AQP6: variants seen among roughly 807,000 people sequenced by gnomAD.
The protein encoded by AQP6 is aquaporin-6.
In AQP6, 14 loss-of-function variants were observed where a neutral mutation model predicts 16.3. The observed-to-expected ratio is 0.86, with a 90% CI of 0.57 to 1.34. The LOEUF is 1.34. AQP6 is among the 40% of genes most tolerant of loss of function. The pLI is 0.00. For synonymous variants in AQP6, 178 were observed against 166.8 expected (o/e 1.07, Z -0.52); for missense variants, 331 against 379.7 (o/e 0.87, Z 1.07).
intron 1 of AQP6, 38 bp from the exon 2 acceptor site, chr12:49,974,286 G>A: frequency 1.3e-6 from 2 of 1,489,266 alleles, no homozygotes; most frequent in African/African-American, 2.8e-5. Context: ...TCCGTGGGCA[G>A]AGCCCGCGTC....
chr12:49,973,877 G>A lies in AQP6; in HGVS notation c.402+302G>A, dbSNP rs1010153461. 13 of 1,232,930 alleles carry A rather than the reference G, an allele frequency of 1.1e-5. No individual in the cohort carries two copies. The African/African-American group carries it at 1.7e-4, about 16-fold the overall frequency. The allele number at this position is 1,232,930 out of a possible 1,614,324, so 76.4% of individuals were successfully genotyped here. ...GGCCAAGGGAGTGCGGGGCCTGTGG[G>A]TAGAGAAGGGGACCCCACGGGGACT... On this transcript the variant is annotated intron_variant, in intron 1 of 3. Coordinates refer to ENST00000315520, the MANE Select transcript of AQP6 (RefSeq NM_001652.4).
At chr12:49,974,595 G>A (rs1947557558) in intron 2 of AQP6, 113 bp downstream of exon 2, 1 of 1,431,682 alleles carries the variant, frequency 7.0e-7, no homozygotes, top group Non-Finnish European at 9.5e-7. Flanking sequence ...GTGCCTTGGA[G>A]CCAAAGTGGT....
In AQP6 at chr12:49,975,491, A is replaced by G; in HGVS notation, c.669A>G (p.Gly223=). Reference sequence around the variant, plus strand: ...TCTTCTGGGTGGGGCCCCTGATGGGAGCCCTCCTGGCCTCACTGATCTACA... The same window carrying G: ...TCTTCTGGGTGGGGCCCCTGATGGGGGCCCTCCTGGCCTCACTGATCTACA... ...HWVFWVGPLM[G]ALLASLIYNF... is the part of the protein sequence containing the mutation. The change falls in exon 4 of 4, where the codon GGA becomes GGG. Residue 223 remains glycine, a synonymous_variant. Coordinates refer to ENST00000315520, the MANE Select transcript of AQP6 (RefSeq NM_001652.4). This position sits in a 1 kb window ranked among gnomAD's most constrained non-coding sequence, Gnocchi z 4.4. 6.2e-7 allele frequency: 1 copy of G among 1,605,932 alleles called. No homozygotes were observed. The highest frequency in any genetic ancestry group is 8.5e-7 in the Non-Finnish European group (1 of 1,177,540).
chr12:49,973,591 G>A lies in AQP6; in HGVS notation c.402+16G>A. 1 of 1,573,038 alleles carries A rather than the reference G, an allele frequency of 6.4e-7. No individual in the cohort carries two copies. The highest frequency in any genetic ancestry group is 1.1e-5 in the South Asian group (1 of 88,218). On this transcript the variant is annotated intron_variant, in intron 1 of 3. Transcript: ENST00000315520. ...GATCAACGTGGTAGGTGCAGGGAGG[G>A]GCACCTGGAGGGCCAGGAGGCGGGA...
At position 49,975,207 on chromosome 12, in the gene AQP6, G is replaced by T; in HGVS notation, c.643-258G>T. 7.6e-7 allele frequency: 1 copy of T among 1,315,838 alleles called. No homozygotes were observed. The highest frequency in any genetic ancestry group is 9.6e-7 in the Non-Finnish European group (1 of 1,036,786). The allele number at this position is 1,315,838 out of a possible 1,614,324, so 81.5% of individuals were successfully genotyped here. A position where few individuals can be genotyped will look rare whatever the true frequency, so the allele number is the denominator to read the frequency against. On this transcript the variant is annotated intron_variant, in intron 3 of 3. Transcript: ENST00000315520. The surrounding 1 kb of genome is among the most constrained non-coding windows in gnomAD (Gnocchi z 4.4). ...TGAGAGGAAAGAGGCGGGGGCGGGTGAGGAGACTGGCCCCAGGCCCCAGCC... is the reference window on the plus strand; with the variant it reads ...TGAGAGGAAAGAGGCGGGGGCGGGTTAGGAGACTGGCCCCAGGCCCCAGCC...
intron 2 of AQP6, 43 bp downstream of exon 2, chr12:49,974,525 C>G: frequency 5.8e-6 from 9 of 1,555,696 alleles, no homozygotes; most frequent in Non-Finnish European, 7.9e-6. Flanking sequence ...CACACCGGGT[C>G]CGTCCCCGGG....
At chr12:49,974,938 G>C in intron 3 of AQP6, 112 bp downstream of exon 3, 1 of 1,483,262 alleles carries the variant, frequency 6.7e-7, no homozygotes, top group Non-Finnish European at 9.0e-7. Flanking sequence ...GAATGTCTTG[G>C]CTGAGACTTC....
chr12:49,973,268 T>G lies in AQP6; in HGVS notation c.95T>G (p.Leu32Arg), dbSNP rs779223765. The stretch of plus-strand genomic sequence containing the variant: ...AGCAGGGCGCTGTTTGCAGAGTTCC[T>G]GGCCACGGGGCTGTATGTGTTCTTT... ...AISRALFAEFLATGLYVFFGV... is the reference protein window; with the variant it reads ...AISRALFAEFRATGLYVFFGV... The change falls in exon 1 of 4, where the codon CTG becomes CGG. Residue 32 changes from leucine (L) to arginine (R), a missense_variant. Leu to Arg is a moderately radical substitution (Grantham distance 102, BLOSUM62 -2). Coordinates refer to ENST00000315520, the MANE Select transcript of AQP6 (RefSeq NM_001652.4). 6.2e-7 allele frequency: 1 copy of G among 1,614,008 alleles called. No individual in the cohort carries two copies. Among genetic ancestry groups the G allele is most frequent in the South Asian group, 1.1e-5 (1 of 91,088 alleles).
At position 49,973,114 on chromosome 12, in the gene AQP6, G is replaced by A; in HGVS notation, c.-60G>A. ...ACACCAGAAGAGACAGGAGATCAGA[G>A]ACCAGAGGAACAGAGAAGAGGCCCC... On this transcript the variant is annotated 5_prime_UTR_variant, in exon 1 of 4. Transcript: ENST00000315520. The A allele has an allele frequency of 1.3e-6, 2 of 1,526,584 alleles. No homozygotes were observed. Among genetic ancestry groups the A allele is most frequent in the East Asian group, 4.6e-5 (2 of 43,664 alleles). 94.6% of individuals were successfully genotyped at this position (1,526,584 alleles called of 1,614,324 possible). A position where few individuals can be genotyped will look rare whatever the true frequency, so the allele number is the denominator to read the frequency against.
At chr12:49,973,869 G>T in intron 1 of AQP6, 1 of 1,233,770 alleles carries the variant, frequency 8.1e-7, no homozygotes, top group Non-Finnish European at 1.0e-6. Flanking sequence ...GGAGTGCGGG[G>T]CCTGTGGGTA....
rs755419694 is a variant in AQP6 at position 49,973,391 on chromosome 12, C to T, written c.218C>T (p.Thr73Ile). 1.5e-5 allele frequency: 24 copies of T among 1,613,076 alleles called. No homozygotes were observed. The Middle Eastern group carries it at 4.9e-4, about 33-fold the overall frequency. ...GTCACCGCCATGGCTGTGCAGGTCA[C>T]CTGGAAGGCCAGCGGGGCCCACGCC... ...NLVTAMAVQVTWKASGAHANP... is the reference protein window; with the variant it reads ...NLVTAMAVQVIWKASGAHANP... The change falls in exon 1 of 4, where the codon ACC becomes ATC. Residue 73 changes from threonine (T) to isoleucine (I), a missense_variant. Transcript: ENST00000315520.
At position 49,974,437 on chromosome 12, in the gene AQP6, G is replaced by A. The variant is rs371083846; in HGVS notation, c.516G>A (p.Pro172=). 5.8e-5 allele frequency: 94 copies of A among 1,612,830 alleles called. No homozygotes were observed. The highest frequency in any genetic ancestry group is 1.2e-4 in the African/African-American group (9 of 74,866). ...STDSRQTSGS[P]ATMIGISVAL... Reference sequence around the variant, plus strand: ...ACAGCCGTCAGACATCAGGCTCCCCGGCCACCATGATTGGGATCTCTGTGG... The same window carrying A: ...ACAGCCGTCAGACATCAGGCTCCCCAGCCACCATGATTGGGATCTCTGTGG... The change falls in exon 2 of 4, where the codon CCG becomes CCA. Residue 172 remains proline (P), a synonymous_variant. Coordinates refer to ENST00000315520, the MANE Select transcript of AQP6 (RefSeq NM_001652.4).
At chr12:49,974,508 A>C (rs1411466561) in intron 2 of AQP6, 26 bp downstream of exon 2, 2 of 1,579,146 alleles carry the variant, frequency 1.3e-6, no homozygotes, top group African/African-American at 2.7e-5. Flanking sequence ...GACACCGTGC[A>C]CATGCACACA....
rs1175623782 is a variant in AQP6 at position 49,974,748 on chromosome 12, C to T, written c.564C>T (p.Ile188=). The T allele has an allele frequency of 1.9e-6, 3 of 1,614,056 alleles. No individual in the cohort carries two copies. Among genetic ancestry groups the T allele is most frequent in the Admixed American group, 1.7e-5 (1 of 60,004 alleles). Reference sequence around the variant, plus strand: ...CTGACCCTGCACTTGCTCCCCAGATCCACTTCACTGGCTGCTCCATGAATC... The same window carrying T: ...CTGACCCTGCACTTGCTCCCCAGATTCACTTCACTGGCTGCTCCATGAATC... The part of the protein sequence containing the change: ...ISVALGHLIG[I]HFTGCSMNPA... Residue 188 remains isoleucine, a splice_region_variant and synonymous_variant, in exon 3 of 4, where the codon ATC becomes ATT. Coordinates refer to ENST00000315520, the MANE Select transcript of AQP6 (RefSeq NM_001652.4).
Position 49,973,281 on chromosome 12 carries a change from G to A in AQP6, c.108G>A (p.Leu36=), listed in dbSNP as rs759543647. The change falls in exon 1 of 4, where the codon CTG becomes CTA. Residue 36 remains leucine, a synonymous_variant. Transcript: ENST00000315520. The part of the protein sequence containing the change: ...ALFAEFLATG[L]YVFFGVGSVM... Reference sequence around the variant, plus strand: ...TTGCAGAGTTCCTGGCCACGGGGCTGTATGTGTTCTTTGGCGTGGGCTCAG... The same window carrying A: ...TTGCAGAGTTCCTGGCCACGGGGCTATATGTGTTCTTTGGCGTGGGCTCAG... 187 of 1,613,808 alleles carry A rather than the reference G, an allele frequency of 1.2e-4. No individual in the cohort carries two copies. The highest frequency in any genetic ancestry group is 1.5e-4 in the Non-Finnish European group (178 of 1,180,054).
rs1317793810 is a variant in AQP6 at position 49,975,676 on chromosome 12, GCCTAC to G, written c.*6_*10del. The G allele has an allele frequency of 3.9e-6, 6 of 1,536,170 alleles. No individual in the cohort carries two copies. In the East Asian group the frequency reaches 6.9e-5, roughly 18 times the overall value. ...GTGGAGATGGAGAGTGTGTGAAACA[GCCTAC>G]GCCTGGCCGCGCCCTTGGGCTTCCT... On this transcript the variant is annotated 3_prime_UTR_variant, in exon 4 of 4. Coordinates refer to ENST00000315520, the MANE Select transcript of AQP6 (RefSeq NM_001652.4). The surrounding 1 kb of genome is among the most constrained non-coding windows in gnomAD (Gnocchi z 4.4).
At position 49,973,309 on chromosome 12, in the gene AQP6, A is replaced by G. The variant is rs138957590; in HGVS notation, c.136A>G (p.Met46Val). 4 of 1,613,784 alleles carry G rather than the reference A, an allele frequency of 2.5e-6. No individual in the cohort carries two copies. The highest frequency in any genetic ancestry group is 1.7e-5 in the Admixed American group (1 of 60,038). Reference protein sequence around the residue: ...LYVFFGVGSVMRWPTALPSVL... With the variant: ...LYVFFGVGSVVRWPTALPSVL... ...TGTGTTCTTTGGCGTGGGCTCAGTC[A>G]TGCGCTGGCCCACAGCACTTCCCTC... The change falls in exon 1 of 4, where the codon ATG becomes GTG. Residue 46 changes from methionine (M) to valine (V), a missense_variant. Met to Val is a conservative substitution (Grantham distance 21). Transcript: ENST00000315520.
intron 2 of AQP6, 114 bp downstream of exon 2, chr12:49,974,596 C>T: frequency 7.0e-7 from 1 of 1,426,370 alleles, no homozygotes; most frequent in Non-Finnish European, 9.5e-7. Context: ...TGCCTTGGAG[C>T]CAAAGTGGTA....
Position 49,976,836 on chromosome 12 carries a change from G to A in AQP6, c.*1165G>A. On this transcript the variant is annotated 3_prime_UTR_variant, in exon 4 of 4. Transcript: ENST00000315520. ...TCCAGGCTCTCTGTCAGCATTACAG[G>A]ATCCCCAGAAAGCTGTTGAATAAGC... The A allele has an allele frequency of 1.6e-6, 1 of 613,228 alleles. No homozygotes were observed. The highest frequency in any genetic ancestry group is 2.9e-6 in the Non-Finnish European group (1 of 345,288). The allele number at this position is 613,228 out of a possible 1,614,324, so 38.0% of individuals were successfully genotyped here.
Sources: gnomAD v4.1 joint callset for allele counts on GRCh38, gnomAD v4.1.1 for gene constraint, Gnocchi (gnomAD v3.1) non-coding constraint, MANE v1.5 for transcripts, NCBI Gene and HGNC (gene_info 2026-07-23, HGNC 2026-07-21) for gene names.